Variants in PRMT7 observed in about 807,000 individuals in gnomAD.
The protein encoded by PRMT7 is protein arginine methyltransferase 7.
PRMT7 carries 75 observed loss-of-function variants against 85.4 expected under a neutral mutation model. That is an observed-to-expected ratio of 0.88 (90% CI 0.73 to 1.06). The LOEUF (loss-of-function observed/expected upper bound fraction) is 1.06. PRMT7 is among the 50% of genes least tolerant of loss of function. PRMT7 has a pLI of 0.00. For synonymous variants in PRMT7, 397 were observed against 359.5 expected, an observed-to-expected ratio of 1.10 and a Z score of -1.18; for missense variants, 868 against 915.2, an observed-to-expected ratio of 0.95 and a Z score of 0.67.
chr16:68,352,489 G>T (rs1046423167), intron 15 of PRMT7, 80 bp downstream of exon 15: 2 of 1,413,574 alleles, frequency 1.4e-6, no homozygotes, highest in African/African-American at 2.8e-5. Context: ...AACCTTGGGT[G>T]CCTGTAGAGC....
At chr16:68,353,923 T>C (rs1038630132) in intron 16 of PRMT7, among the ~76,000 whole-genome samples, 1 of 152,154 alleles carries the variant, frequency 6.6e-6, no homozygotes, top group Non-Finnish European at 1.5e-5. Flanking sequence ...CCTGAGGAGA[T>C]TCCCACAGGT....
chr16:68,315,275 A>G (rs1567624754), intron 2 of PRMT7: 1 of 152,176 alleles, frequency 6.6e-6, no homozygotes, highest in South Asian at 2.1e-4. Context: ...ATTCCTTGCT[A>G]TGCTTTTTAG....
chr16:68,355,482 G>A (rs1391199526), intron 16 of PRMT7: 1 of 409,300 alleles, frequency 2.4e-6, no homozygotes, highest in East Asian at 3.8e-5. Flanking sequence ...CTTGAGACAG[G>A]CAGCACCACC....
intron 1 of PRMT7, 22 bp downstream of exon 1, chr16:68,311,121 G>GA: frequency 1.5e-6 from 1 of 688,622 alleles, no homozygotes; most frequent in Non-Finnish European, 2.6e-6. Flanking sequence ...GGTATGCTGG[G>GA]AAGGTGGGGT....
Position 68,337,581 on chromosome 16 carries a change from G to T in PRMT7, c.504+10G>T. ...CAGGCATCTCGTGGAGGTAGTAGAC[G>T]GAGGGCTCCCTCAGACGTGTCTGTG... On this transcript the variant is annotated intron_variant, in intron 7 of 18. Transcript: ENST00000441236. The T allele has an allele frequency of 6.3e-7, 1 of 1,582,352 alleles. No individual in the cohort carries two copies. Among genetic ancestry groups the T allele is most frequent in the Non-Finnish European group, 8.7e-7 (1 of 1,155,712 alleles).
chr16:68,324,306 G>A (rs1219637988), intron 4 of PRMT7: 1 of 202,826 alleles, frequency 4.9e-6, no homozygotes, highest in Non-Finnish European at 1.0e-5. Context: ...TGCCCCTACC[G>A]AGAGGACCCT....
intron 4 of PRMT7, among the ~76,000 whole-genome samples, chr16:68,322,606 T>G (rs560408600): frequency 6.6e-6 from 1 of 152,286 alleles, no homozygotes; most frequent in Admixed American, 6.5e-5. Flanking sequence ...GGGTTCCAGA[T>G]TCACTGTAAT....
At chr16:68,351,265 G>A (rs1354172727) in intron 14 of PRMT7, 1 of 152,226 alleles carries the variant, frequency 6.6e-6, no homozygotes, top group African/African-American at 2.4e-5. Flanking sequence ...CCACTTTGGT[G>A]CCTGACTGCT....
At chr16:68,318,486 AC>A (rs2082134961) in intron 3 of PRMT7, among the ~76,000 whole-genome samples, 1 of 152,192 alleles carries the variant, frequency 6.6e-6, no homozygotes, top group African/African-American at 2.4e-5. Context: ...GGCGTGAGCC[AC>A]TGCACCTGCC....
In PRMT7 at chr16:68,311,026, C is replaced by T. The variant is rs939329463; in HGVS notation, c.-292C>T. 6.4e-6 allele frequency: 7 copies of T among 1,094,060 alleles called. No homozygotes were observed. Among genetic ancestry groups the T allele is most frequent in the South Asian group, 4.0e-5 (3 of 74,820 alleles). 67.8% of individuals were successfully genotyped at this position (1,094,060 alleles called of 1,614,324 possible). Reference sequence around the variant, plus strand: ...CCCCCCAGCACGCTCCTCGACGCTGCGAGGTCCCGCCCCGCGTGCTGGCCG... The same window carrying T: ...CCCCCCAGCACGCTCCTCGACGCTGTGAGGTCCCGCCCCGCGTGCTGGCCG... On this transcript the variant is annotated 5_prime_UTR_variant, in exon 1 of 19. Coordinates refer to ENST00000441236, the MANE Select transcript of PRMT7 (RefSeq NM_019023.5).
At chr16:68,325,919 TA>T (rs1424247823) in intron 5 of PRMT7, among the ~76,000 whole-genome samples, 13 of 152,294 alleles carry the variant, frequency 8.5e-5, no homozygotes, top group Admixed American at 3.9e-4. Flanking sequence ...ACCACTACCT[TA>T]AATGTCCCTA....
intron 6 of PRMT7, among the ~76,000 whole-genome samples, chr16:68,330,718 A>T (rs1042407242): frequency 1.3e-5 from 2 of 151,700 alleles, no homozygotes; most frequent in African/African-American, 4.8e-5. Flanking sequence ...CTTCAGCCTC[A>T]TGAGTAGCTG....
chr16:68,332,938 A>G (rs184367607), intron 6 of PRMT7, among the ~76,000 whole-genome samples: 60 of 152,314 alleles, frequency 3.9e-4, no homozygotes, highest in Admixed American at 2.5e-3. Context: ...AGTTGATAAC[A>G]GCCGGAGGGT....
intron 9 of PRMT7, 129 bp downstream of exon 9, chr16:68,340,097 A>G: frequency 4.6e-6 from 5 of 1,080,618 alleles, no homozygotes; most frequent in Non-Finnish European, 6.5e-6. Context: ...ATCAAAGACA[A>G]AAGTTTTTAA....
In PRMT7 at chr16:68,340,007, C is replaced by G. The variant is rs779131141; in HGVS notation, c.927+39C>G. On this transcript the variant is annotated intron_variant, in intron 9 of 18. Transcript: ENST00000441236. Reference sequence around the variant, plus strand: ...GCCTAGCATGTGCCCTGTCAGGAAACTTGTCCACTGCTGTTCATGGGAAAG... The same window carrying G: ...GCCTAGCATGTGCCCTGTCAGGAAAGTTGTCCACTGCTGTTCATGGGAAAG... 7.1e-6 allele frequency: 11 copies of G among 1,550,416 alleles called. No homozygotes were observed. The East Asian group carries it at 1.6e-4, about 23-fold the overall frequency.
chr16:68,336,768 TCGCG>T (rs2084753758), intron 6 of PRMT7, among the ~76,000 whole-genome samples: 1 of 152,140 alleles, frequency 6.6e-6, no homozygotes, highest in Non-Finnish European at 1.5e-5. Context: ...TCTCACTCTG[TCGCG>T]CAGGCTGGAT....
In PRMT7 at chr16:68,345,527, GTTTA is replaced by G. The variant is rs2086222044; in HGVS notation, c.928-142_928-139del. 10 of 1,214,436 alleles carry G rather than the reference GTTTA, an allele frequency of 8.2e-6. No homozygotes were observed. The South Asian group carries it at 1.3e-4, about 15-fold the overall frequency. The allele number at this position is 1,214,436 out of a possible 1,614,324, so 75.2% of individuals were successfully genotyped here. On this transcript the variant is annotated intron_variant, in intron 9 of 18. Transcript: ENST00000441236. ...TGGGCCACTGGCCTCTGAGTTTAGAGTTTATTTATCTCCTTGGCCACAATAGCCA... is the reference window on the plus strand; with the variant it reads ...TGGGCCACTGGCCTCTGAGTTTAGAGTTTATCTCCTTGGCCACAATAGCCA...
intron 1 of PRMT7, chr16:68,311,714 C>A (rs974055738): frequency 4.6e-5 from 7 of 152,214 alleles, no homozygotes; most frequent in Non-Finnish European, 1.0e-4. Flanking sequence ...CTAGTTCTTT[C>A]TACCTTAGGG....
chr16:68,337,647 C>T (rs902694961), intron 7 of PRMT7, 76 bp downstream of exon 7: 1 of 915,756 alleles, frequency 1.1e-6, no homozygotes, highest in East Asian at 2.7e-5. Context: ...TGCACCGTGT[C>T]CCACACAGCC....
Sources: allele counts gnomAD v4.1 joint callset (sites outside exome capture counted in the v4.1 genomes callset), GRCh38; gene constraint gnomAD v4.1.1; transcripts MANE v1.5; gene names NCBI Gene and HGNC (gene_info 2026-07-23, HGNC 2026-07-21).